Variants in KAT6B observed in about 807,000 individuals in gnomAD.
KAT6B encodes lysine acetyltransferase 6B, also known as histone acetyltransferase KAT6B.
A neutral mutation model predicts 187.5 loss-of-function variants in KAT6B; 10 were observed. The observed-to-expected ratio is 0.05, with a 90% confidence interval of 0.03 to 0.09. The LOEUF (loss-of-function observed/expected upper bound fraction) is 0.09. KAT6B is among the 10% of genes least tolerant of loss of function. The pLI is 1.00. For synonymous variants in KAT6B, 861 were observed against 926.8 expected (o/e 0.93, Z 1.29); for missense variants, 1,952 against 2,558.9 (o/e 0.76, Z 5.12).
intron 1 of KAT6B, among the ~76,000 whole-genome samples, chr10:74,836,148 A>G (rs1841292905): frequency 6.6e-6 from 1 of 152,130 alleles, no homozygotes; most frequent in Non-Finnish European, 1.5e-5. Flanking sequence ...ATGTATCGAA[A>G]CTTCATTGCT....
At chr10:75,001,666 T>G (rs551700454) in intron 13 of KAT6B, among the ~76,000 whole-genome samples, 109 of 152,322 alleles carry the variant, frequency 7.2e-4, no homozygotes, top group Non-Finnish European at 1.2e-3. Context: ...ACTTACAAGC[T>G]TTTCAAAATA....
chr10:74,914,839 C>A (rs927924450), intron 3 of KAT6B, among the ~76,000 whole-genome samples: 1 of 152,238 alleles, frequency 6.6e-6, no homozygotes, highest in East Asian at 1.9e-4. Flanking sequence ...TGCCTGTGAT[C>A]CTAGCACTTT....
chr10:74,842,897 C>G lies in KAT6B; in HGVS notation c.40C>G (p.Leu14Val). The G allele has an allele frequency of 6.2e-7, 1 of 1,614,114 alleles. No individual in the cohort carries two copies. Among genetic ancestry groups the G allele is most frequent in the South Asian group, 1.1e-5 (1 of 91,078 alleles). ...AAACCCACTTTATACAGAGTGGATT[C>G]TTGAAGCTATACAGAAAATAAAAAA... ...LANPLYTEWI[L>V]EAIQKIKKQK... is the part of the protein sequence containing the mutation. Residue 14 changes from leucine to valine, a missense_variant, in exon 3 of 18, where the codon CTT becomes GTT. Physicochemically the swap from Leu to Val is conservative, Grantham distance 32. Coordinates refer to ENST00000287239, the MANE Select transcript of KAT6B (RefSeq NM_012330.4).
At chr10:74,863,914 A>G (rs1309166003) in intron 3 of KAT6B, among the ~76,000 whole-genome samples, 1 of 152,166 alleles carries the variant, frequency 6.6e-6, no homozygotes, top group African/African-American at 2.4e-5. Context: ...GCGAGTGTAG[A>G]TAAGGATAAA....
chr10:74,954,801 G>T (rs1299315690), intron 3 of KAT6B, among the ~76,000 whole-genome samples: 1 of 151,994 alleles, frequency 6.6e-6, no homozygotes, highest in East Asian at 1.9e-4. Flanking sequence ...TTTTTTGCTC[G>T]CCTATTCACT....
intron 1 of KAT6B, among the ~76,000 whole-genome samples, chr10:74,837,367 C>G (rs978583913): frequency 6.6e-6 from 1 of 151,998 alleles, no homozygotes; most frequent in Non-Finnish European, 1.5e-5. Context: ...TAGCACAAAT[C>G]CCCAGAATTA....
intron 13 of KAT6B, among the ~76,000 whole-genome samples, chr10:74,999,731 C>CT (rs1843700119): frequency 6.6e-6 from 1 of 152,188 alleles, no homozygotes; most frequent in South Asian, 2.1e-4. Flanking sequence ...GTTACTGTGA[C>CT]CATCTCTCTT....
chr10:74,829,456 G>GAT (rs1554911769), intron 1 of KAT6B, among the ~76,000 whole-genome samples: 10 of 140,086 alleles, frequency 7.1e-5, no homozygotes, highest in African/African-American at 2.6e-4. Flanking sequence ...AAAGGAAATA[G>GAT]TTTTTTTTTT....
rs192443689 is a variant in KAT6B, at chr10:74,844,808, A to G, written c.621+1330A>G. Among the ~76,000 whole-genome samples the G allele has an allele frequency of 4.6e-5, 7 of 152,344 alleles. No individual in the cohort carries two copies. The East Asian group carries it at 1.3e-3, about 29-fold the overall frequency. On this transcript the variant is annotated intron_variant, in intron 3 of 17. Transcript: ENST00000287239. Reference sequence around the variant, plus strand: ...ACACAAAGTAGAGCAGCAGAAAGTTATTTATAGTTCATGTCTAGTTTTGGG... The same window carrying G: ...ACACAAAGTAGAGCAGCAGAAAGTTGTTTATAGTTCATGTCTAGTTTTGGG...
Position 75,028,968 on chromosome 10 carries a change from C to A in KAT6B, c.4144C>A (p.Pro1382Thr), listed in dbSNP as rs746515922. 6.8e-6 allele frequency: 11 copies of A among 1,613,448 alleles called. No homozygotes were observed. The highest frequency in any genetic ancestry group is 4.4e-5 in the South Asian group (4 of 91,040). ...EEGGGNVEKDPDGAKSQEKEE... is the reference protein window; with the variant it reads ...EEGGGNVEKDTDGAKSQEKEE... ...AGGAGGAGGAAATGTAGAAAAAGATCCAGATGGTGCTAAAAGCCAAGAAAA... is the reference window on the plus strand; with the variant it reads ...AGGAGGAGGAAATGTAGAAAAAGATACAGATGGTGCTAAAAGCCAAGAAAA... The change falls in exon 18 of 18, where the codon CCA (proline) becomes ACA (threonine). Residue 1382 changes from proline to threonine, a missense_variant. Pro to Thr is a conservative substitution (Grantham distance 38). Coordinates refer to ENST00000287239, the MANE Select transcript of KAT6B (RefSeq NM_012330.4).
intron 3 of KAT6B, among the ~76,000 whole-genome samples, chr10:74,893,088 G>T (rs538082385): frequency 5.9e-5 from 9 of 152,362 alleles, no homozygotes; most frequent in Non-Finnish European, 1.3e-4. Flanking sequence ...AACCACAGAG[G>T]CAGGAGCTGA....
Position 74,989,043 on chromosome 10 carries a change from A to G in KAT6B, c.2560A>G (p.Asn854Asp). Residue 854 changes from asparagine (N) to aspartate (D), a missense_variant, in exon 13 of 18, where the codon AAT becomes GAT. Coordinates refer to ENST00000287239, the MANE Select transcript of KAT6B (RefSeq NM_012330.4). ...SKEKLCQQKY[N>D]VSCIMIMPQH... ...GGAAAAGCTTTGCCAGCAGAAGTAT[A>G]ATGTCTCCTGCATAATGATCATGCC... The G allele has an allele frequency of 6.2e-7, 1 of 1,613,682 alleles. No individual in the cohort carries two copies. Among genetic ancestry groups the G allele is most frequent in the Non-Finnish European group, 8.5e-7 (1 of 1,179,554 alleles).
intron 3 of KAT6B, among the ~76,000 whole-genome samples, chr10:74,911,592 A>G (rs1454170608): frequency 6.6e-6 from 1 of 152,080 alleles, no homozygotes; most frequent in East Asian, 1.9e-4. Flanking sequence ...TGTTTTTACA[A>G]TTCCATGCCA....
chr10:74,964,891 T>C (rs1308449306), intron 4 of KAT6B, among the ~76,000 whole-genome samples: 2 of 152,224 alleles, frequency 1.3e-5, no homozygotes, highest in Non-Finnish European at 2.9e-5. Flanking sequence ...TCATAATATG[T>C]ATCTTGAATG....
At chr10:74,933,470 A>G (rs757553251) in intron 3 of KAT6B, among the ~76,000 whole-genome samples, 24 of 152,222 alleles carry the variant, frequency 1.6e-4, no homozygotes, top group Non-Finnish European at 2.8e-4. Flanking sequence ...ATAGATGTTC[A>G]GTATTGATTA....
In KAT6B at chr10:75,010,534, C is replaced by G. The variant is rs1415038721; in HGVS notation, c.2630-10048C>G. Reference sequence around the variant, plus strand: ...AATTGGAATTACAACATACTTTGTCCTATTTTTAAAAATTACAGCTGGTAC... The same window carrying G: ...AATTGGAATTACAACATACTTTGTCGTATTTTTAAAAATTACAGCTGGTAC... On this transcript the variant is annotated intron_variant, in intron 13 of 17. Transcript: ENST00000287239. 2.6e-5 allele frequency among the ~76,000 whole-genome samples: 4 copies of G among 152,168 alleles called. No homozygotes were observed. In the East Asian group the frequency reaches 7.7e-4, roughly 29 times the overall value.
At chr10:74,911,546 G>A (rs1040229566) in intron 3 of KAT6B, among the ~76,000 whole-genome samples, 1 of 152,102 alleles carries the variant, frequency 6.6e-6, no homozygotes, top group African/African-American at 2.4e-5. Flanking sequence ...GGGATTACAG[G>A]TGTGAGCCAC....
chr10:74,981,738 C>T (rs777375457), intron 10 of KAT6B, 49 bp from the exon 11 acceptor site: 3 of 1,280,812 alleles, frequency 2.3e-6, no homozygotes, highest in Admixed American at 3.4e-5. Context: ...ATCTTCCCCC[C>T]AACAGTATAA....
intron 1 of KAT6B, among the ~76,000 whole-genome samples, chr10:74,836,494 C>T (rs1841320704): frequency 6.6e-6 from 1 of 152,206 alleles, no homozygotes; most frequent in African/African-American, 2.4e-5. Context: ...CAGGGAGCAT[C>T]AGCTCGCTAA....
Sources: allele counts gnomAD v4.1 joint callset (sites outside exome capture counted in the v4.1 genomes callset), GRCh38; gene constraint gnomAD v4.1.1; transcripts MANE v1.5; gene names NCBI Gene and HGNC (gene_info 2026-07-23, HGNC 2026-07-21).